PCM1: variants seen among roughly 807,000 people sequenced by gnomAD.
PCM1 encodes the protein pericentriolar material 1 protein.
A neutral mutation model predicts 241.9 loss-of-function variants in PCM1; 157 were observed. The ratio of observed to expected loss-of-function variants is 0.65; its 90% CI spans 0.57 to 0.74. PCM1 has a LOEUF of 0.74. Among genes scored for constraint, PCM1 ranks in the 30% least tolerant of loss-of-function variants. The pLI is 0.00. For synonymous variants in PCM1, 1,085 were observed against 784.9 expected, an observed-to-expected ratio of 1.38 and a Z score of -6.39; for missense variants, 3,478 against 2,360.1, an observed-to-expected ratio of 1.47 and a Z score of -9.81.
rs1391302512 is a variant in PCM1 at position 17,923,131 on chromosome 8, G to C, written c.-148G>C. On this transcript the variant is annotated 5_prime_UTR_variant, in exon 1 of 39. Coordinates refer to ENST00000325083, the MANE Select transcript of PCM1 (RefSeq NM_006197.4). The stretch of plus-strand genomic sequence containing the variant: ...CCGAGGGCCGACCGCTGCCGGCGGC[G>C]GGTCGTGGGGGCTGACTGTCGCTCT... The C allele has an allele frequency of 6.6e-6, 1 of 152,510 alleles. No individual in the cohort carries two copies. Among genetic ancestry groups the C allele is most frequent in the African/African-American group, 2.4e-5 (1 of 41,460 alleles). 9.4% of individuals were successfully genotyped at this position (152,510 alleles called of 1,614,324 possible). A position where few individuals can be genotyped will look rare whatever the true frequency, so the allele number is the denominator to read the frequency against.
In PCM1 at chr8:17,991,586, G is replaced by C. The variant is rs768835779; in HGVS notation, c.4576G>C (p.Glu1526Gln). 1 of 1,600,450 alleles carries C rather than the reference G, an allele frequency of 6.2e-7. No homozygotes were observed. Among genetic ancestry groups the C allele is most frequent in the Non-Finnish European group, 8.5e-7 (1 of 1,172,874 alleles). ...AGATCAAGCATTAGCCAGAATGAGA[G>C]AATATGAGCGTATGAAGACTGAGGC... The part of the protein sequence containing the change: ...HLDQALARMR[E>Q]YERMKTEAES... The change falls in exon 28 of 39, where the codon GAA becomes CAA. Residue 1526 changes from glutamate to glutamine, a missense_variant. Coordinates refer to ENST00000325083, the MANE Select transcript of PCM1 (RefSeq NM_006197.4).
At chr8:18,025,309 G>A in intron 36 of PCM1, 52 bp from the exon 37 acceptor site, 2 of 940,680 alleles carry the variant, frequency 2.1e-6, no homozygotes, top group Non-Finnish European at 3.4e-6. Flanking sequence ...TCTTTACATG[G>A]ATGACTGGTT....
chr8:17,968,390 T>G (rs985357496), intron 21 of PCM1, among the ~76,000 whole-genome samples: 3 of 152,020 alleles, frequency 2.0e-5, no homozygotes, highest in African/African-American at 7.3e-5. Flanking sequence ...TCGGGAGAAG[T>G]TGGAGGAAAG....
intron 6 of PCM1, among the ~76,000 whole-genome samples, chr8:17,940,327 TAA>T (rs1488451239): frequency 6.6e-6 from 1 of 152,246 alleles, no homozygotes; most frequent in Non-Finnish European, 1.5e-5. Flanking sequence ...ACACGGAAGT[TAA>T]GTTTTATTTA....
chr8:18,006,387 G>C lies in PCM1; in HGVS notation c.4952G>C (p.Ser1651Thr). 1 of 1,608,954 alleles carries C rather than the reference G, an allele frequency of 6.2e-7. No individual in the cohort carries two copies. The change falls in exon 30 of 39, where the codon AGT (serine) becomes ACT (threonine). Residue 1651 changes from serine to threonine, a missense_variant. By Grantham distance (58) the Ser-to-Thr change is moderately conservative. Coordinates refer to ENST00000325083, the MANE Select transcript of PCM1 (RefSeq NM_006197.4). Reference sequence around the variant, plus strand: ...AAGTTCTTTCATAAACAACTTGGAAGTATATTACAGGTAAGAGTTTATACT... The same window carrying C: ...AAGTTCTTTCATAAACAACTTGGAACTATATTACAGGTAAGAGTTTATACT... ...FVKFFHKQLG[S>T]ILQDSLAKFA...
At chr8:17,958,161 C>T (rs753146768) in intron 13 of PCM1, among the ~76,000 whole-genome samples, 1 of 151,988 alleles carries the variant, frequency 6.6e-6, no homozygotes, top group Non-Finnish European at 1.5e-5. Context: ...CAACTCTGGC[C>T]TTATATTATG....
intron 15 of PCM1, among the ~76,000 whole-genome samples, chr8:17,961,494 G>A (rs1376226035): frequency 2.0e-5 from 3 of 151,890 alleles, no homozygotes; most frequent in Non-Finnish European, 2.9e-5. Flanking sequence ...TGTATTTTTA[G>A]TAGAGACGGG....
chr8:17,946,832 AGTGTGTGTGTGTGTGTGTGT>A (rs368892136), intron 6 of PCM1, among the ~76,000 whole-genome samples: 3 of 138,296 alleles, frequency 2.2e-5, no homozygotes, highest in South Asian at 2.4e-4. Context: ...TAGATTCTTC[AGTGTGTGTGTGTGTGTGTGT>A]GTGTGTGTGT....
chr8:18,014,805 C>A lies in PCM1; in HGVS notation c.5806C>A (p.Pro1936Thr). The A allele has an allele frequency of 6.2e-7, 1 of 1,604,236 alleles. No homozygotes were observed. Among genetic ancestry groups the A allele is most frequent in the Non-Finnish European group, 8.5e-7 (1 of 1,178,106 alleles). ...TCCTGAAAGCTCTCTGGCTGGAAGT[C>A]CTGATACTGAATCTCCAGTGTTAGT... ...ETPESSLAGSPDTESPVLVND... is the reference protein window; with the variant it reads ...ETPESSLAGSTDTESPVLVND... The change falls in exon 36 of 39, where the codon CCT becomes ACT. Residue 1936 changes from proline (P) to threonine (T), a missense_variant. By Grantham distance (38) the Pro-to-Thr change is conservative (BLOSUM62 -1). Coordinates refer to ENST00000325083, the MANE Select transcript of PCM1 (RefSeq NM_006197.4).
At chr8:18,003,296 C>T (rs896514951) in intron 29 of PCM1, among the ~76,000 whole-genome samples, 30 of 152,188 alleles carry the variant, frequency 2.0e-4, no homozygotes, top group African/African-American at 5.6e-4. Flanking sequence ...GCTCTTTAGA[C>T]GCTCTAAGTG....
intron 27 of PCM1, among the ~76,000 whole-genome samples, 154 bp downstream of exon 27, chr8:17,990,133 C>T (rs764906634): frequency 1.3e-5 from 2 of 152,058 alleles, no homozygotes; most frequent in Non-Finnish European, 2.9e-5. Flanking sequence ...AATCAAGAAT[C>T]TTCTGACTCT....
intron 29 of PCM1, among the ~76,000 whole-genome samples, chr8:17,997,071 G>A (rs2087105375): frequency 6.6e-6 from 1 of 151,862 alleles, no homozygotes; most frequent in South Asian, 2.1e-4. Context: ...AGTATTTCTT[G>A]TCAGACAGGT....
In PCM1 at chr8:17,966,961, C is replaced by T. The variant is rs1372592120; in HGVS notation, c.3222-19C>T. ...GGCAATATAACTGATTCTTAGATTA[C>T]TGACTTAAATCTTTGTAGGTTGAAA... On this transcript the variant is annotated intron_variant, in intron 20 of 38. Coordinates refer to ENST00000325083, the MANE Select transcript of PCM1 (RefSeq NM_006197.4). The T allele has an allele frequency of 1.3e-6, 2 of 1,577,742 alleles. No individual in the cohort carries two copies. Among genetic ancestry groups the T allele is most frequent in the South Asian group, 2.4e-5 (2 of 85,012 alleles).
chr8:17,962,973 G>A (rs527566741), intron 16 of PCM1, 128 bp from the exon 17 acceptor site: 23 of 635,602 alleles, frequency 3.6e-5, no homozygotes, highest in African/African-American at 3.5e-4. Context: ...TCATGGACAT[G>A]TTAGTGTGAA....
intron 1 of PCM1, among the ~76,000 whole-genome samples, chr8:17,924,141 G>T (rs986259398): frequency 3.3e-5 from 5 of 152,052 alleles, no homozygotes; most frequent in Admixed American, 2.0e-4. Flanking sequence ...TCCGCCTGCT[G>T]GTGTTCTCTG....
intron 23 of PCM1, among the ~76,000 whole-genome samples, chr8:17,979,993 A>G (rs1487723521): frequency 1.3e-5 from 2 of 152,062 alleles, no homozygotes; most frequent in African/African-American, 4.8e-5. Flanking sequence ...AATTTAATAT[A>G]TTGACCGATG....
At chr8:17,967,291 G>T in intron 21 of PCM1, 121 bp downstream of exon 21, 4 of 647,620 alleles carry the variant, frequency 6.2e-6, no homozygotes, top group Non-Finnish European at 7.5e-6. Flanking sequence ...TGTTTGCAAA[G>T]AAAGTTACAA....
intron 29 of PCM1, among the ~76,000 whole-genome samples, chr8:17,995,960 T>TTA (rs1222603007): frequency 6.6e-6 from 1 of 152,084 alleles, no homozygotes; most frequent in African/African-American, 2.4e-5. Flanking sequence ...AAGTATAAGA[T>TTA]TATATATATA....
intron 26 of PCM1, among the ~76,000 whole-genome samples, chr8:17,986,846 G>T (rs1030744878): frequency 6.6e-6 from 1 of 151,686 alleles, no homozygotes; most frequent in Admixed American, 6.6e-5. Flanking sequence ...TAAGAGTTTC[G>T]TAGTTGATTA....
Sources: allele counts gnomAD v4.1 joint callset (sites outside exome capture counted in the v4.1 genomes callset), GRCh38; gene constraint gnomAD v4.1.1; transcripts MANE v1.5; gene names NCBI Gene and HGNC (gene_info 2026-07-23, HGNC 2026-07-21).